PALM2AKAP2: variants seen among roughly 807,000 people sequenced by gnomAD.
The protein encoded by PALM2AKAP2 is PALM2-AKAP2 fusion protein.
PALM2AKAP2 carries 37 observed loss-of-function variants against 71.5 expected under a neutral mutation model. The observed-to-expected ratio is 0.52, with a 90% CI of 0.40 to 0.68. The LOEUF (loss-of-function observed/expected upper bound fraction) is 0.68, where lower values mean the gene tolerates loss of function less well. PALM2AKAP2 is among the 30% of genes least tolerant of loss of function. PALM2AKAP2 has a pLI of 0.00. For missense variants in PALM2AKAP2, 1,224 were observed against 1,191.8 expected, an observed-to-expected ratio of 1.03 and a Z score of -0.40; for synonymous variants, 468 against 478.8, an observed-to-expected ratio of 0.98 and a Z score of 0.29.
At chr9:110,076,517 A>G (rs1406696819) in intron 1 of PALM2AKAP2, among the ~76,000 whole-genome samples, 1 of 145,796 alleles carries the variant, frequency 6.9e-6, no homozygotes, top group East Asian at 1.9e-4. Flanking sequence ...ATATAGGTAT[A>G]TATACCTCCA....
intron 2 of PALM2AKAP2, among the ~76,000 whole-genome samples, chr9:110,150,196 T>G (rs1056819013): frequency 6.6e-6 from 1 of 152,232 alleles, no homozygotes; most frequent in African/African-American, 2.4e-5. Context: ...GAGAGAGCCT[T>G]CAGCAGAAAC....
At chr9:109,922,448 A>AAAG (rs1830856170) in intron 3 of PALM2AKAP2, among the ~76,000 whole-genome samples, 1 of 148,620 alleles carries the variant, frequency 6.7e-6, no homozygotes, top group Non-Finnish European at 1.5e-5. Flanking sequence ...AAAAAAAAAA[A>AAAG]AAAAAAAAAG....
chr9:109,782,861 T>C (rs1208775555), intron 1 of PALM2AKAP2, among the ~76,000 whole-genome samples: 2 of 151,952 alleles, frequency 1.3e-5, no homozygotes, highest in Non-Finnish European at 2.9e-5. Context: ...AATGGTTTTA[T>C]GCTATGCTTT....
chr9:109,770,109 G>A (rs1829234733), intron 1 of PALM2AKAP2, among the ~76,000 whole-genome samples: 1 of 152,174 alleles, frequency 6.6e-6, no homozygotes, highest in Non-Finnish European at 1.5e-5. Context: ...GACAGCCAAT[G>A]GTTGGCTAGG....
At chr9:109,748,038 A>C (rs1022015556) in intron 1 of PALM2AKAP2, among the ~76,000 whole-genome samples, 1 of 152,220 alleles carries the variant, frequency 6.6e-6, no homozygotes. Flanking sequence ...GACAGTTTCA[A>C]CACAATATTT....
At chr9:109,816,177 A>G (rs1045541876) in intron 1 of PALM2AKAP2, among the ~76,000 whole-genome samples, 2 of 152,204 alleles carry the variant, frequency 1.3e-5, no homozygotes, top group Non-Finnish European at 2.9e-5. Context: ...CCTACACTCC[A>G]GGGCACCTTA....
At chr9:110,031,634 A>G (rs150078123) in intron 7 of PALM2AKAP2, among the ~76,000 whole-genome samples, 4 of 152,314 alleles carry the variant, frequency 2.6e-5, no homozygotes, top group African/African-American at 7.2e-5. Context: ...CAGAGAAAAC[A>G]AGGTGCAGAG....
chr9:110,137,114 T>A (rs1421098115), exon 2 of PALM2AKAP2: 1 of 1,613,358 alleles, frequency 6.2e-7, no homozygotes, highest in Non-Finnish European at 8.5e-7. Context: ...GCAGCCCCCA[T>A]CGCAGCTCTG....
intron 1 of PALM2AKAP2, among the ~76,000 whole-genome samples, chr9:109,716,625 T>C (rs919196434): frequency 1.3e-5 from 2 of 152,076 alleles, no homozygotes; most frequent in African/African-American, 2.4e-5. Flanking sequence ...AGGTCATGGG[T>C]GAAGGCTTTA....
intron 1 of PALM2AKAP2, among the ~76,000 whole-genome samples, chr9:109,797,887 A>G (rs10759364): frequency 0.18 from 27,239 of 152,166 alleles, 2,849 homozygotes; most frequent in East Asian, 0.34. Context: ...TGGCTTCCCT[A>G]GTTCTTTTTT....
intron 2 of PALM2AKAP2, among the ~76,000 whole-genome samples, chr9:110,148,179 T>G (rs1422356172): frequency 6.6e-6 from 1 of 152,202 alleles, no homozygotes; most frequent in African/African-American, 2.4e-5. Context: ...CTTACTGTTT[T>G]AATTAACTTT....
chr9:109,944,246 G>A (rs761582691), intron 6 of PALM2AKAP2: 4 of 152,078 alleles, frequency 2.6e-5, no homozygotes, highest in Non-Finnish European at 4.4e-5. Context: ...CACAAGCCTT[G>A]TTTCTATTCT....
intron 1 of PALM2AKAP2, among the ~76,000 whole-genome samples, chr9:109,816,663 C>T (rs186972886): frequency 2.0e-5 from 3 of 152,246 alleles, no homozygotes; most frequent in Admixed American, 2.0e-4. Context: ...GAAGTCACCC[C>T]GGATGATGGT....
At chr9:109,706,160 A>G (rs937082247) in intron 1 of PALM2AKAP2, among the ~76,000 whole-genome samples, 3 of 152,216 alleles carry the variant, frequency 2.0e-5, no homozygotes, top group Admixed American at 2.0e-4. Context: ...AAGCTATGAG[A>G]TATGTTCAAG....
chr9:110,104,799 C>T lies in PALM2AKAP2; in HGVS notation c.157-31328C>T, dbSNP rs545504449. ...CTACTTTGTGTAATTATCTGTGAAA[C>T]GTAATGATGATAGCTCCAAGCTATC... is the stretch of plus-strand genomic sequence containing the variant. On this transcript the variant is annotated intron_variant, in intron 1 of 3. Transcript: ENST00000374525. Among the ~76,000 whole-genome samples the T allele has an allele frequency of 7.2e-5, 11 of 152,284 alleles. No homozygotes were observed. The South Asian group carries it at 1.2e-3, about 17-fold the overall frequency.
At chr9:109,664,973 A>G (rs992984378) in intron 1 of PALM2AKAP2, among the ~76,000 whole-genome samples, 1 of 152,122 alleles carries the variant, frequency 6.6e-6, no homozygotes, top group African/African-American at 2.4e-5. Flanking sequence ...ACTTGATTGA[A>G]TCGGCTATTG....
At chr9:109,682,904 G>T (rs987967962) in intron 1 of PALM2AKAP2, among the ~76,000 whole-genome samples, 1 of 152,176 alleles carries the variant, frequency 6.6e-6, no homozygotes, top group African/African-American at 2.4e-5. Flanking sequence ...TTTGGAAAAA[G>T]AGTCTTCGCA....
At chr9:109,921,070 A>G (rs952414365) in intron 3 of PALM2AKAP2, among the ~76,000 whole-genome samples, 3 of 152,194 alleles carry the variant, frequency 2.0e-5, no homozygotes, top group Non-Finnish European at 4.4e-5. Flanking sequence ...TCGTATCTCT[A>G]GATTGGCCAG....
At chr9:109,905,104 G>A (rs1023010593) in intron 3 of PALM2AKAP2, among the ~76,000 whole-genome samples, 1 of 152,178 alleles carries the variant, frequency 6.6e-6, no homozygotes, top group Non-Finnish European at 1.5e-5. Flanking sequence ...CATCATTCTC[G>A]ACATAATAGC....
Sources: allele counts gnomAD v4.1 joint callset (sites outside exome capture counted in the v4.1 genomes callset), GRCh38; gene constraint gnomAD v4.1.1; transcripts MANE v1.5; gene names NCBI Gene and HGNC (gene_info 2026-07-23, HGNC 2026-07-21).